ZNF292: variants seen among roughly 807,000 people sequenced by gnomAD.
ZNF292 encodes zinc finger protein 292.
Under a neutral mutation model 217.9 loss-of-function variants are expected in ZNF292, and 26 were observed. The observed-to-expected ratio is 0.12, with a 90% CI of 0.09 to 0.17. The LOEUF (loss-of-function observed/expected upper bound fraction) is 0.17, where lower values mean the gene tolerates loss of function less well. Among genes scored for constraint, ZNF292 ranks in the 10% least tolerant of loss-of-function variants. The pLI is 1.00. For synonymous variants in ZNF292, 1,257 were observed against 1,124.1 expected (o/e 1.12, Z -2.37); for missense variants, 2,904 against 3,175.2 (o/e 0.91, Z 2.05).
intron 1 of ZNF292, among the ~76,000 whole-genome samples, chr6:87,193,443 G>A (rs190526283): frequency 2.0e-5 from 3 of 152,178 alleles, no homozygotes; most frequent in Non-Finnish European, 4.4e-5. Flanking sequence ...GGGAGGCTGA[G>A]GTGGGAGGAT....
chr6:87,254,559 TA>T, intron 7 of ZNF292, 90 bp from the exon 8 acceptor site: 1 of 1,299,044 alleles, frequency 7.7e-7, no homozygotes, highest in Non-Finnish European at 1.1e-6. Flanking sequence ...AAGATTTGAG[TA>T]AAACAAATCT....
intron 4 of ZNF292, among the ~76,000 whole-genome samples, chr6:87,227,331 C>T (rs1202440979): frequency 6.6e-6 from 1 of 152,062 alleles, no homozygotes; most frequent in African/African-American, 2.4e-5. Flanking sequence ...CTCTGGGCAA[C>T]CAGTATTCTA....
chr6:87,193,170 C>G (rs527538695), intron 1 of ZNF292, among the ~76,000 whole-genome samples: 2 of 152,020 alleles, frequency 1.3e-5, no homozygotes, highest in Non-Finnish European at 2.9e-5. Context: ...ATCTAAGAAC[C>G]CTAAATTAGA....
rs1775595435 is a variant in ZNF292, at chr6:87,261,479, C to T, written c.7850C>T (p.Thr2617Ile). The change falls in exon 8 of 8, where the codon ACT (threonine) becomes ATT (isoleucine). Residue 2617 changes from threonine (T) to isoleucine (I), a missense_variant. Transcript: ENST00000369577. ...AATACTGACAAAGACCATCCGAATACTGGAAACAAAAAAGGATCCCATTCA... is the reference window on the plus strand; with the variant it reads ...AATACTGACAAAGACCATCCGAATATTGGAAACAAAAAAGGATCCCATTCA... The part of the protein sequence containing the change: ...KKNTDKDHPN[T>I]GNKKGSHSNS... 1 of 1,604,048 alleles carries T rather than the reference C, an allele frequency of 6.2e-7. No individual in the cohort carries two copies.
At position 87,258,180 on chromosome 6, in the gene ZNF292, C is replaced by T. The variant is rs1775342707; in HGVS notation, c.4551C>T (p.Val1517=). ...EMLSHVSTGC[V]SDASQVNATV... is the part of the protein sequence containing the mutation. ...TTTCTCATGTTTCAACAGGTTGTGT[C>T]TCTGATGCATCACAAGTAAATGCAA... is the stretch of plus-strand genomic sequence containing the variant. Residue 1517 remains valine (V), a synonymous_variant, in exon 8 of 8, where the codon GTC becomes GTT. Transcript: ENST00000369577. 1 of 1,611,644 alleles carries T rather than the reference C, an allele frequency of 6.2e-7. No homozygotes were observed. The highest frequency in any genetic ancestry group is 1.1e-5 in the South Asian group (1 of 90,670).
At chr6:87,194,784 T>C (rs571636575) in intron 1 of ZNF292, among the ~76,000 whole-genome samples, 1 of 152,198 alleles carries the variant, frequency 6.6e-6, no homozygotes, top group African/African-American at 2.4e-5. Flanking sequence ...AGAATATATA[T>C]GCAAAAGTTT....
rs1439391700 is a variant in ZNF292, at chr6:87,260,751, CCTGT to C, written c.7126_7129del (p.Glu2377ValfsTer6). On this transcript the variant is annotated frameshift_variant, in exon 8 of 8. Coordinates refer to ENST00000369577, the MANE Select transcript of ZNF292 (RefSeq NM_015021.3). LOFTEE classifies it high-confidence loss of function. ...ATTCTATAAAGGCTAGAAATGATGC[CCTGT>C]CTGAGTGTACAAGCAGATTTGTAAC... 1 of 1,613,192 alleles carries C rather than the reference CCTGT, an allele frequency of 6.2e-7. No individual in the cohort carries two copies. Among genetic ancestry groups the C allele is most frequent in the Non-Finnish European group, 8.5e-7 (1 of 1,179,578 alleles).
At chr6:87,220,591 G>GT (rs998321733) in intron 4 of ZNF292, among the ~76,000 whole-genome samples, 4 of 152,160 alleles carry the variant, frequency 2.6e-5, no homozygotes, top group African/African-American at 9.7e-5. Flanking sequence ...CCCATTGTCA[G>GT]TTTCTGAACA....
At position 87,257,435 on chromosome 6, in the gene ZNF292, G is replaced by A. The variant is rs1775289452; in HGVS notation, c.3806G>A (p.Ser1269Asn). The stretch of plus-strand genomic sequence containing the variant: ...CCTTTCCTTCCTTTACCTGCAGAAA[G>A]TAGTTCAATGTCTCTCTTCCCTTCA... Reference protein sequence around the residue: ...SDPFLPLPAESSSMSLFPSPA... With the variant: ...SDPFLPLPAENSSMSLFPSPA... Residue 1269 changes from serine to asparagine, a missense_variant, in exon 8 of 8, where the codon AGT (serine) becomes AAT (asparagine). By Grantham distance (46) the Ser-to-Asn change is conservative (BLOSUM62 1). Coordinates refer to ENST00000369577, the MANE Select transcript of ZNF292 (RefSeq NM_015021.3). 1 of 1,613,510 alleles carries A rather than the reference G, an allele frequency of 6.2e-7. No homozygotes were observed. Among genetic ancestry groups the A allele is most frequent in the South Asian group, 1.1e-5 (1 of 91,008 alleles).
At chr6:87,216,751 AT>A (rs911605471) in intron 3 of ZNF292, among the ~76,000 whole-genome samples, 1 of 152,010 alleles carries the variant, frequency 6.6e-6, no homozygotes, top group Non-Finnish European at 1.5e-5. Context: ...GTGGATAGGT[AT>A]ATTTTCCCCA....
chr6:87,225,321 G>A (rs952159503), intron 4 of ZNF292, among the ~76,000 whole-genome samples: 20 of 152,118 alleles, frequency 1.3e-4, no homozygotes, highest in African/African-American at 4.8e-4. Flanking sequence ...GAATCCTCTT[G>A]TGGCTTGTCC....
In ZNF292 at chr6:87,257,662, AAAG is replaced by A; in HGVS notation, c.4035_4037del (p.Lys1345_Asp1346delinsAsn). ...ACAGTCTGCACCTGAAAAAGTTAAA[AAAG>A]ACCGTGGGCGGGGCCCAAATGGGAA... On this transcript the variant is annotated inframe_deletion, in exon 8 of 8. Transcript: ENST00000369577. 2 of 1,610,576 alleles carry A rather than the reference AAAG, an allele frequency of 1.2e-6. No homozygotes were observed. Among genetic ancestry groups the A allele is most frequent in the Non-Finnish European group, 1.7e-6 (2 of 1,178,198 alleles).
intron 5 of ZNF292, among the ~76,000 whole-genome samples, chr6:87,237,287 C>T (rs1414767242): frequency 6.6e-6 from 1 of 151,926 alleles, no homozygotes; most frequent in African/African-American, 2.4e-5. Flanking sequence ...GCTCTGTTGC[C>T]CAGGCTGGAG....
rs149438955 is a variant in ZNF292 at position 87,229,782 on chromosome 6, A to G, written c.539-3543A>G. On this transcript the variant is annotated intron_variant, in intron 4 of 7. Transcript: ENST00000369577. ...AAATTAAGTATTTTTAAAAAGGATA[A>G]GTGATCCTTGCTTTGAAAGCAATGG... Among the ~76,000 whole-genome samples the G allele has an allele frequency of 4.0e-3, 614 of 152,360 alleles. 1 individual carries two copies. The highest frequency in any genetic ancestry group is 0.013 in the African/African-American group (531 of 41,578).
At chr6:87,194,447 A>G (rs1457853768) in intron 1 of ZNF292, among the ~76,000 whole-genome samples, 1 of 152,216 alleles carries the variant, frequency 6.6e-6, no homozygotes, top group African/African-American at 2.4e-5. Flanking sequence ...TTCATAAGTA[A>G]GTTTAACTTG....
In ZNF292 at chr6:87,258,162, T is replaced by C; in HGVS notation, c.4533T>C (p.His1511=). The C allele has an allele frequency of 6.2e-7, 1 of 1,611,980 alleles. No individual in the cohort carries two copies. Reference sequence around the variant, plus strand: ...TTGAGGGTGCCGAAATGCTTTCTCATGTTTCAACAGGTTGTGTCTCTGATG... The same window carrying C: ...TTGAGGGTGCCGAAATGCTTTCTCACGTTTCAACAGGTTGTGTCTCTGATG... ...STFEGAEMLS[H]VSTGCVSDAS... Residue 1511 remains histidine (H), a synonymous_variant, in exon 8 of 8, where the codon CAT becomes CAC. Transcript: ENST00000369577.
chr6:87,219,899 C>T (rs1772992478), intron 4 of ZNF292, among the ~76,000 whole-genome samples: 1 of 152,226 alleles, frequency 6.6e-6, no homozygotes, highest in Admixed American at 6.5e-5. Flanking sequence ...GCGATCATGG[C>T]TCACCGCAGC....
At chr6:87,160,368 T>C (rs1312506204) in intron 1 of ZNF292, among the ~76,000 whole-genome samples, 1 of 152,210 alleles carries the variant, frequency 6.6e-6, no homozygotes, top group Admixed American at 6.5e-5. Flanking sequence ...ACTGGCCGAC[T>C]GGTTGATTGT....
At chr6:87,239,372 CG>C (rs1562165284) in intron 5 of ZNF292, among the ~76,000 whole-genome samples, 1 of 128,646 alleles carries the variant, frequency 7.8e-6, no homozygotes, top group Non-Finnish European at 1.7e-5. Context: ...CCCTCCCTGA[CG>C]GGGCGGCTGG....
Sources: gnomAD v4.1 joint callset for allele counts (sites outside exome capture counted in the v4.1 genomes callset) on GRCh38, gnomAD v4.1.1 for gene constraint, MANE v1.5 for transcripts, NCBI Gene and HGNC (gene_info 2026-07-23, HGNC 2026-07-21) for gene names.